The following CNTLN variants were observed in gnomAD, a reference collection of about 807,000 sequenced individuals.
CNTLN encodes centlein, centrosomal protein.
Under a neutral mutation model 180.0 loss-of-function variants are expected in CNTLN, and 212 were observed. The observed-to-expected ratio is 1.18, with a 90% confidence interval of 1.05 to 1.32. The LOEUF is 1.32. CNTLN is among the 40% of genes most tolerant of loss of function. The pLI is 0.00. For synonymous variants in CNTLN, 722 were observed against 563.1 expected (o/e 1.28, Z -3.99); for missense variants, 2,095 against 1,610.9 (o/e 1.30, Z -5.14).
chr9:17,268,419 GGCCATGTGAGGTGTCTGTC>G (rs1827665562), intron 5 of CNTLN, among the ~76,000 whole-genome samples: 1 of 152,106 alleles, frequency 6.6e-6, no homozygotes. Flanking sequence ...AGGAGTACCT[GGCCATGTGAGGTGTCTGTC>G]AGTCTGCCCC....
chr9:17,409,853 C>T (rs548966051), intron 16 of CNTLN, among the ~76,000 whole-genome samples: 34 of 152,098 alleles, frequency 2.2e-4, no homozygotes, highest in Non-Finnish European at 3.8e-4. Flanking sequence ...TTCTAACTAG[C>T]CTCTCAATGT....
At chr9:17,290,684 G>C (rs2990666) in intron 6 of CNTLN, among the ~76,000 whole-genome samples, 29,882 of 149,718 alleles carry the variant, frequency 0.2, 3,695 homozygotes, top group African/African-American at 0.34. Context: ...AGGACCCTCC[G>C]AGCCAGGTGT....
rs1823864324 is a variant in CNTLN, at chr9:17,366,840, T to C, written c.1987+123T>C. ...TGTTTCTTTTCCAACACTTTATTCATTGATAACTCACTAACATTTTCATCC... is the reference window on the plus strand; with the variant it reads ...TGTTTCTTTTCCAACACTTTATTCACTGATAACTCACTAACATTTTCATCC... On this transcript the variant is annotated intron_variant, in intron 13 of 25. Coordinates refer to ENST00000380647, the MANE Select transcript of CNTLN (RefSeq NM_017738.4). The C allele has an allele frequency of 8.7e-6, 5 of 573,994 alleles. No homozygotes were observed. In the East Asian group the frequency reaches 1.0e-4, roughly 12 times the overall value. 35.6% of individuals were successfully genotyped at this position (573,994 alleles called of 1,614,324 possible). A position where few individuals can be genotyped will look rare whatever the true frequency, so the allele number is the denominator to read the frequency against.
At chr9:17,266,127 A>C (rs7470216) in intron 5 of CNTLN, among the ~76,000 whole-genome samples, 10 of 150,588 alleles carry the variant, frequency 6.6e-5, no homozygotes, top group African/African-American at 2.4e-4. Context: ...TTAATTGTGA[A>C]GTTAGGGTGT....
chr9:17,400,709 AT>A (rs529419461), intron 15 of CNTLN, among the ~76,000 whole-genome samples: 2 of 151,768 alleles, frequency 1.3e-5, no homozygotes, highest in South Asian at 2.1e-4. Context: ...AAAAGGAATC[AT>A]TTTTTTTGGC....
Position 17,217,091 on chromosome 9 carries a change from A to C in CNTLN, c.450-9112A>C, listed in dbSNP as rs551874076. On this transcript the variant is annotated intron_variant, in intron 2 of 25. Transcript: ENST00000380647. Reference sequence around the variant, plus strand: ...GCAATAAACATGAAGAATCACATTCAAACTTTTACAATAGATGCAGGAAGC... The same window carrying C: ...GCAATAAACATGAAGAATCACATTCCAACTTTTACAATAGATGCAGGAAGC... 1.0e-4 allele frequency among the ~76,000 whole-genome samples: 16 copies of C among 152,394 alleles called. No individual in the cohort carries two copies. The South Asian group carries it at 3.1e-3, about 30-fold the overall frequency.
intron 8 of CNTLN, among the ~76,000 whole-genome samples, chr9:17,323,721 A>G (rs1426190281): frequency 6.6e-6 from 1 of 152,242 alleles, no homozygotes; most frequent in Non-Finnish European, 1.5e-5. Flanking sequence ...CTGGTCTCCA[A>G]TAAATGAGGC....
intron 6 of CNTLN, among the ~76,000 whole-genome samples, chr9:17,293,074 G>T (rs539969894): frequency 6.6e-6 from 1 of 152,198 alleles, no homozygotes; most frequent in Admixed American, 6.5e-5. Context: ...CTATTCACTT[G>T]GGTCCCTTCT....
intron 14 of CNTLN, among the ~76,000 whole-genome samples, chr9:17,393,316 C>T (rs1260561738): frequency 2.0e-5 from 3 of 152,130 alleles, no homozygotes; most frequent in African/African-American, 4.8e-5. Flanking sequence ...TTCAGACCAT[C>T]GGAGTTGTCA....
At chr9:17,284,101 A>G (rs1205379338) in intron 6 of CNTLN, among the ~76,000 whole-genome samples, 1 of 152,056 alleles carries the variant, frequency 6.6e-6, no homozygotes, top group East Asian at 1.9e-4. Context: ...GGCTCACTGC[A>G]ACCTCCACCT....
the CNTLN span, among the ~76,000 whole-genome samples, chr9:17,517,759 T>G: frequency 6.6e-6 from 1 of 152,086 alleles, no homozygotes; most frequent in Non-Finnish European, 1.5e-5. Flanking sequence ...TCTAGAAGTG[T>G]GAAGGAATAC....
chr9:17,473,312 A>G (rs1212953052), intron 23 of CNTLN, among the ~76,000 whole-genome samples: 1 of 152,122 alleles, frequency 6.6e-6, no homozygotes, highest in Non-Finnish European at 1.5e-5. Flanking sequence ...TGCGTCTTTC[A>G]CTGAGAAAAC....
chr9:17,408,672 G>T (rs1282087339), intron 15 of CNTLN, among the ~76,000 whole-genome samples: 1 of 151,992 alleles, frequency 6.6e-6, no homozygotes, highest in African/African-American at 2.4e-5. Context: ...GTGGTGATGG[G>T]CGCCTGTAGT....
intron 2 of CNTLN, among the ~76,000 whole-genome samples, chr9:17,149,028 T>C (rs555334334): frequency 1.2e-4 from 18 of 152,314 alleles, no homozygotes; most frequent in Non-Finnish European, 2.4e-4. Context: ...CCATGTGTTC[T>C]CATTGTTCAA....
In CNTLN at chr9:17,298,379, G is replaced by T. The variant is rs1392515232; in HGVS notation, c.1146+27G>T. On this transcript the variant is annotated intron_variant, in intron 7 of 25. Transcript: ENST00000380647. ...TATGCTTTTATTCTGTAATAAAGATGTAAATGTTTATGTATGAACTTATGA... is the reference window on the plus strand; with the variant it reads ...TATGCTTTTATTCTGTAATAAAGATTTAAATGTTTATGTATGAACTTATGA... 8.3e-6 allele frequency: 13 copies of T among 1,563,928 alleles called. No homozygotes were observed. The South Asian group carries it at 1.5e-4, about 18-fold the overall frequency.
chr9:17,376,537 C>T (rs1213657482), intron 13 of CNTLN, among the ~76,000 whole-genome samples: 4 of 151,738 alleles, frequency 2.6e-5, no homozygotes, highest in Admixed American at 1.3e-4. Context: ...CTGCAAGCTC[C>T]GCCTCCCGGG....
intron 2 of CNTLN, among the ~76,000 whole-genome samples, chr9:17,175,525 C>T (rs1820667559): frequency 6.6e-6 from 1 of 152,118 alleles, no homozygotes; most frequent in Non-Finnish European, 1.5e-5. Context: ...CTGTCAATAC[C>T]ATACCATCTT....
At chr9:17,520,113 A>G in the CNTLN span, among the ~76,000 whole-genome samples, 2 of 152,346 alleles carry the variant, frequency 1.3e-5, no homozygotes, top group East Asian at 1.9e-4. Context: ...TCATTTGTAA[A>G]GGTAGAAAAC....
At chr9:17,147,094 C>G (rs1232066571) in intron 2 of CNTLN, among the ~76,000 whole-genome samples, 1 of 152,100 alleles carries the variant, frequency 6.6e-6, no homozygotes, top group Non-Finnish European at 1.5e-5. Context: ...TATCTGTTTA[C>G]CAGAAGGTTT....
Sources: gnomAD v4.1 joint callset for allele counts (sites outside exome capture counted in the v4.1 genomes callset) on GRCh38, gnomAD v4.1.1 for gene constraint, MANE v1.5 for transcripts, NCBI Gene and HGNC (gene_info 2026-07-23, HGNC 2026-07-21) for gene names.